The following ATXN10 variants were observed in gnomAD, a reference collection of about 807,000 sequenced individuals.
The protein encoded by ATXN10 is ataxin 10.
A neutral mutation model predicts 52.9 loss-of-function variants in ATXN10; 28 were observed. That is an observed-to-expected ratio of 0.53 (90% confidence interval 0.39 to 0.73). The LOEUF is 0.73. ATXN10 is among the 30% of genes least tolerant of loss of function. The probability of loss-of-function intolerance (pLI) is 0.00; values close to 1 mark genes in which losing one functional copy is unlikely to be tolerated. For synonymous variants in ATXN10, 226 were observed against 221.5 expected (o/e 1.02, Z -0.18); for missense variants, 565 against 577.0 (o/e 0.98, Z 0.21).
At chr22:45,707,764 C>T (rs1290460797) in intron 5 of ATXN10, among the ~76,000 whole-genome samples, 1 of 151,956 alleles carries the variant, frequency 6.6e-6, no homozygotes, top group Non-Finnish European at 1.5e-5. Context: ...ATCACTTCTG[C>T]AGTCCAGGTG....
Position 45,818,975 on chromosome 22 carries a change from A to C in ATXN10, c.1237+11953A>C, listed in dbSNP as rs1928557919. ...ATGCCTAAAACTTGCGTAGTCTGAC[A>C]CGTAGGGAAAACATGAGAAATCCAT... On this transcript the variant is annotated intron_variant, in intron 10 of 11. Transcript: ENST00000252934. This position sits in a 1 kb window ranked among gnomAD's most constrained non-coding sequence, Gnocchi z 4.6. Among the ~76,000 whole-genome samples the C allele has an allele frequency of 1.3e-5, 2 of 152,240 alleles. No homozygotes were observed. The highest frequency in any genetic ancestry group is 4.8e-5 in the African/African-American group (2 of 41,542).
At position 45,672,022 on chromosome 22, in the gene ATXN10, T is replaced by C; in HGVS notation, c.-42T>C. 1 of 1,524,066 alleles carries C rather than the reference T, an allele frequency of 6.6e-7. No individual in the cohort carries two copies. The highest frequency in any genetic ancestry group is 1.2e-5 in the South Asian group (1 of 83,270). The allele number at this position is 1,524,066 out of a possible 1,614,324, so 94.4% of individuals were successfully genotyped here. A position where few individuals can be genotyped will look rare whatever the true frequency, so the allele number is the denominator to read the frequency against. ...ATCCTCCCCCTTCGTCCTCCTCGCC[T>C]TCCTCCTCCTCGTCAGGCTCGACCC... On this transcript the variant is annotated 5_prime_UTR_variant, in exon 1 of 12. Transcript: ENST00000252934.
rs181886314 is a variant in ATXN10, at chr22:45,790,883, C to A, written c.1174-16076C>A. Among the ~76,000 whole-genome samples, 20 of 152,310 alleles carry A rather than the reference C, an allele frequency of 1.3e-4. No homozygotes were observed. Among genetic ancestry groups the A allele is most frequent in the Admixed American group, 1.2e-3 (19 of 15,304 alleles). ...TTTTCAAGACAGAGCCTCTCTCTCC[C>A]TCTCTCTGTCGCCCAATCTGCAGTG... On this transcript the variant is annotated intron_variant, in intron 9 of 11. Transcript: ENST00000252934. The surrounding 1 kb of genome is among the most constrained non-coding windows in gnomAD (Gnocchi z 4.7).
intron 10 of ATXN10, among the ~76,000 whole-genome samples, chr22:45,815,945 C>T (rs1012040629): frequency 6.6e-6 from 1 of 152,104 alleles, no homozygotes; most frequent in Admixed American, 6.5e-5. Context: ...CACGTAGTAA[C>T]CACTCAATAA....
intron 1 of ATXN10, chr22:45,674,435 G>A (rs1056313217): frequency 6.6e-6 from 1 of 152,316 alleles, no homozygotes; most frequent in Non-Finnish European, 1.5e-5. Flanking sequence ...GGTTTATAAG[G>A]ACAGGCTTCT....
At chr22:45,687,111 G>T (rs1036557444) in intron 1 of ATXN10, among the ~76,000 whole-genome samples, 7 of 152,246 alleles carry the variant, frequency 4.6e-5, no homozygotes, top group South Asian at 2.1e-4. Context: ...GAATGTTTTG[G>T]TTGGCCTTAG....
chr22:45,831,140 T>C lies in ATXN10; in HGVS notation c.1238-11851T>C, dbSNP rs536572524. On this transcript the variant is annotated intron_variant, in intron 10 of 11. Coordinates refer to ENST00000252934, the MANE Select transcript of ATXN10 (RefSeq NM_013236.4). ...GTGTCAGCTTATTTATAAGAGGTAC[T>C]TAGAGTAGTCAAAATCACAGAGACA... 2.0e-5 allele frequency among the ~76,000 whole-genome samples: 3 copies of C among 152,244 alleles called. No individual in the cohort carries two copies. In the South Asian group the frequency reaches 6.2e-4, roughly 32 times the overall value.
rs371572792 is a variant in ATXN10 at position 45,723,727 on chromosome 22, A to AGTCAGAT, written c.728+5235_728+5241dup. Among the ~76,000 whole-genome samples the AGTCAGAT allele has an allele frequency of 2.1e-3, 320 of 152,260 alleles. 2 individuals carry two copies. Among genetic ancestry groups the AGTCAGAT allele is most frequent in the African/African-American group, 7.5e-3 (311 of 41,564 alleles). On this transcript the variant is annotated intron_variant, in intron 6 of 11. Coordinates refer to ENST00000252934, the MANE Select transcript of ATXN10 (RefSeq NM_013236.4). ...TCCCAGCACTTTGGGAGGTGGAGGA[A>AGTCAGAT]GTCAGATCACTTGAGACCAGGAGTT...
At chr22:45,697,598 G>T (rs935260213) in intron 3 of ATXN10, among the ~76,000 whole-genome samples, 8 of 151,970 alleles carry the variant, frequency 5.3e-5, no homozygotes, top group African/African-American at 1.9e-4. Context: ...GACCTTTGGT[G>T]TCTTACTCCT....
At chr22:45,814,613 A>C (rs1257061237) in intron 10 of ATXN10, among the ~76,000 whole-genome samples, 1 of 152,216 alleles carries the variant, frequency 6.6e-6, no homozygotes, top group East Asian at 1.9e-4. Context: ...GTTCCACTCT[A>C]GTATATCCCC....
In ATXN10 at chr22:45,828,158, C is replaced by T. The variant is rs2146906971; in HGVS notation, c.1238-14833C>T. ...TGGAGGCCAGGAGTTCAGGACCTGC[C>T]TGGGCAACATGGTGAAGCCCCATCT... is the stretch of plus-strand genomic sequence containing the variant. On this transcript the variant is annotated intron_variant, in intron 10 of 11. Transcript: ENST00000252934. This position sits in a 1 kb window ranked among gnomAD's most constrained non-coding sequence, Gnocchi z 4.5. Among the ~76,000 whole-genome samples, 1 of 151,366 alleles carries T rather than the reference C, an allele frequency of 6.6e-6. No individual in the cohort carries two copies. Among genetic ancestry groups the T allele is most frequent in the African/African-American group, 2.4e-5 (1 of 41,204 alleles).
Position 45,796,058 on chromosome 22 carries a change from T to C in ATXN10, c.1174-10901T>C, listed in dbSNP as rs144322841. Among the ~76,000 whole-genome samples the C allele has an allele frequency of 1.1e-3, 171 of 152,356 alleles. 3 individuals are homozygous for C. The East Asian group carries it at 0.026, about 24-fold the overall frequency. On this transcript the variant is annotated intron_variant, in intron 9 of 11. Transcript: ENST00000252934. Reference sequence around the variant, plus strand: ...GCAGAACAGAGTCATATTTCTCTTCTTTCAGAAAGTGACTAGGAGAAATAT... The same window carrying C: ...GCAGAACAGAGTCATATTTCTCTTCCTTCAGAAAGTGACTAGGAGAAATAT...
chr22:45,791,028 A>T (rs985430594), intron 9 of ATXN10, among the ~76,000 whole-genome samples: 26 of 152,066 alleles, frequency 1.7e-4, no homozygotes, highest in African/African-American at 5.5e-4. Context: ...CTAATTTTTT[A>T]AAAAATTATT....
intron 9 of ATXN10, among the ~76,000 whole-genome samples, chr22:45,782,750 G>A (rs184952758): frequency 2.0e-5 from 3 of 152,236 alleles, no homozygotes; most frequent in South Asian, 2.1e-4. Flanking sequence ...GCACTTTACC[G>A]TAATAAATTA....
At position 45,705,436 on chromosome 22, in the gene ATXN10, C is replaced by T. The variant is rs906110674; in HGVS notation, c.647+2589C>T. ...TTCAAACCTGTTACTTGTTACAGGTCTTGGTTTTTTTTTTTGAGACGGAGT... is the reference window on the plus strand; with the variant it reads ...TTCAAACCTGTTACTTGTTACAGGTTTTGGTTTTTTTTTTTGAGACGGAGT... On this transcript the variant is annotated intron_variant, in intron 5 of 11. Transcript: ENST00000252934. This position sits in a 1 kb window ranked among gnomAD's most constrained non-coding sequence, Gnocchi z 5.2. Among the ~76,000 whole-genome samples the T allele has an allele frequency of 2.7e-5, 4 of 150,662 alleles. No homozygotes were observed. Among genetic ancestry groups the T allele is most frequent in the East Asian group, 1.9e-4 (1 of 5,144 alleles).
intron 9 of ATXN10, among the ~76,000 whole-genome samples, chr22:45,746,471 G>T (rs1039839491): frequency 6.6e-6 from 1 of 152,068 alleles, no homozygotes; most frequent in Non-Finnish European, 1.5e-5. Context: ...ATCAGTACTG[G>T]CTGACTTGTC....
rs548098660 is a variant in ATXN10 at position 45,762,568 on chromosome 22, C to T, written c.1173+22030C>T. On this transcript the variant is annotated intron_variant, in intron 9 of 11. Coordinates refer to ENST00000252934, the MANE Select transcript of ATXN10 (RefSeq NM_013236.4). This position sits in a 1 kb window ranked among gnomAD's most constrained non-coding sequence, Gnocchi z 4.3. ...GTCTGGCCAGGGTGCTTCCTCCTCGCTCTCCAGCTGGCTGAAGGGAAGCTG... is the reference window on the plus strand; with the variant it reads ...GTCTGGCCAGGGTGCTTCCTCCTCGTTCTCCAGCTGGCTGAAGGGAAGCTG... Among the ~76,000 whole-genome samples the T allele has an allele frequency of 1.3e-5, 2 of 152,246 alleles. No homozygotes were observed. The highest frequency in any genetic ancestry group is 3.9e-4 in the East Asian group (2 of 5,166).
rs1487534535 is a variant in ATXN10, at chr22:45,843,469, A to G, written c.1426-200A>G. On this transcript the variant is annotated intron_variant, in intron 11 of 11. Coordinates refer to ENST00000252934, the MANE Select transcript of ATXN10 (RefSeq NM_013236.4). This position sits in a 1 kb window ranked among gnomAD's most constrained non-coding sequence, Gnocchi z 4.5. Reference sequence around the variant, plus strand: ...TAAAAGTAAGTTACTCATAGGAATTAGATTTTCTTTAAAAGATAGTTAATG... The same window carrying G: ...TAAAAGTAAGTTACTCATAGGAATTGGATTTTCTTTAAAAGATAGTTAATG... Among the ~76,000 whole-genome samples the G allele has an allele frequency of 6.6e-6, 1 of 152,252 alleles. No individual in the cohort carries two copies.
rs776335400 is a variant in ATXN10 at position 45,763,616 on chromosome 22, C to T, written c.1173+23078C>T. Among the ~76,000 whole-genome samples the T allele has an allele frequency of 1.3e-5, 2 of 152,206 alleles. No homozygotes were observed. Among genetic ancestry groups the T allele is most frequent in the African/African-American group, 4.8e-5 (2 of 41,438 alleles). Reference sequence around the variant, plus strand: ...ACCTCTCTGTCCCTGCTCTTTGGGCCCTTCCTTTTCCCCAGGTTGGGCTCT... The same window carrying T: ...ACCTCTCTGTCCCTGCTCTTTGGGCTCTTCCTTTTCCCCAGGTTGGGCTCT... On this transcript the variant is annotated intron_variant, in intron 9 of 11. Transcript: ENST00000252934. This position sits in a 1 kb window ranked among gnomAD's most constrained non-coding sequence, Gnocchi z 6.9.
Sources: allele counts gnomAD v4.1 joint callset (sites outside exome capture counted in the v4.1 genomes callset), GRCh38; gene constraint gnomAD v4.1.1; non-coding constraint Gnocchi (gnomAD v3.1); transcripts MANE v1.5; gene names NCBI Gene and HGNC (gene_info 2026-07-23, HGNC 2026-07-21).